CACNA1C: variants seen among roughly 807,000 people sequenced by gnomAD.
The protein encoded by CACNA1C is calcium voltage-gated channel subunit alpha1 C.
CACNA1C carries 30 observed loss-of-function variants against 229.0 expected under a neutral mutation model. The ratio of observed to expected loss-of-function variants is 0.13; its 90% CI spans 0.10 to 0.18. The LOEUF is 0.18. Among genes scored for constraint, CACNA1C ranks in the 10% least tolerant of loss-of-function variants. CACNA1C has a pLI of 1.00. For missense variants in CACNA1C, 1,658 were observed against 2,845.0 expected, an observed-to-expected ratio of 0.58 and a Z score of 9.49; for synonymous variants, 1,114 against 1,132.5, an observed-to-expected ratio of 0.98 and a Z score of 0.33.
rs2097302563 is a variant in CACNA1C at position 2,354,627 on chromosome 12, G to A, written c.478-94349G>A. On this transcript the variant is annotated intron_variant, in intron 3 of 46. Transcript: ENST00000399655. The surrounding 1 kb of genome is among the most constrained non-coding windows in gnomAD (Gnocchi z 4.6). ...CTGGTTGGGAGAGCCCAGGAACGGA[G>A]TCCATCCTTTCTCCTGGCCTCCAGG... Among the ~76,000 whole-genome samples, 1 of 152,166 alleles carries A rather than the reference G, an allele frequency of 6.6e-6. No homozygotes were observed. The highest frequency in any genetic ancestry group is 2.4e-5 in the African/African-American group (1 of 41,436).
rs112201667 is a variant in CACNA1C, at chr12:2,097,378, C to G, written c.50-17846C>G. On this transcript the variant is annotated intron_variant, in intron 1 of 46. Transcript: ENST00000399655. Reference sequence around the variant, plus strand: ...AGCCAGGATAGTCTCGATCTCCTGACCTTGTGATCCGCCCGCCTCGACCTC... The same window carrying G: ...AGCCAGGATAGTCTCGATCTCCTGAGCTTGTGATCCGCCCGCCTCGACCTC... 5.9e-3 allele frequency among the ~76,000 whole-genome samples: 898 copies of G among 152,126 alleles called. 8 individuals carry two copies. The highest frequency in any genetic ancestry group is 0.02 in the African/African-American group (845 of 41,516).
intron 37 of CACNA1C, 82 bp from the exon 38 acceptor site, chr12:2,668,850 AC>A: frequency 1.1e-6 from 1 of 897,798 alleles, no homozygotes; most frequent in Non-Finnish European, 1.9e-6. Context: ...ACAGAGCCAA[AC>A]CATATCACTC....
chr12:2,504,952 AGGAC>A lies in CACNA1C; in HGVS notation c.1217+8_1217+11del. 1 of 1,373,004 alleles carries A rather than the reference AGGAC, an allele frequency of 7.3e-7. No individual in the cohort carries two copies. Among genetic ancestry groups the A allele is most frequent in the Non-Finnish European group, 1.0e-6 (1 of 961,480 alleles). The allele number at this position is 1,373,004 out of a possible 1,614,324, so 85.1% of individuals were successfully genotyped here. Reference sequence around the variant, plus strand: ...TTCTCGGTGTGCTTAGCGGGTAAGCAGGACCAAGGAAAAAGGTCTTGATTTTTCC... The same window carrying A: ...TTCTCGGTGTGCTTAGCGGGTAAGCACAAGGAAAAAGGTCTTGATTTTTCC... On this transcript the variant is annotated splice_region_variant and intron_variant, in intron 8 of 46. Coordinates refer to ENST00000399655, the MANE Select transcript of CACNA1C (RefSeq NM_000719.7). The surrounding 1 kb of genome is among the most constrained non-coding windows in gnomAD (Gnocchi z 6.8).
intron 3 of CACNA1C, among the ~76,000 whole-genome samples, chr12:2,335,776 C>T (rs538526379): frequency 2.2e-4 from 33 of 152,204 alleles, no homozygotes; most frequent in African/African-American, 7.9e-4. Flanking sequence ...TCAGCAGAGG[C>T]CCAGAAGCCA....
chr12:2,174,147 C>T (rs1445907180), intron 3 of CACNA1C, among the ~76,000 whole-genome samples: 1 of 152,012 alleles, frequency 6.6e-6, no homozygotes, highest in East Asian at 1.9e-4. Context: ...TGTGGCTTTG[C>T]ATGGAAAAGG....
intron 1 of CACNA1C, among the ~76,000 whole-genome samples, chr12:1,977,421 C>T (rs1354144183): frequency 3.3e-5 from 5 of 152,182 alleles, no homozygotes; most frequent in Admixed American, 2.6e-4. Flanking sequence ...CTCCAAGCAG[C>T]GTATCTTCAA....
chr12:2,389,587 C>T (rs1594963258), intron 3 of CACNA1C, among the ~76,000 whole-genome samples: 1 of 152,194 alleles, frequency 6.6e-6, no homozygotes, highest in Non-Finnish European at 1.5e-5. Flanking sequence ...CTGTGTCTAA[C>T]CTGATAGGCA....
intron 3 of CACNA1C, among the ~76,000 whole-genome samples, chr12:2,424,131 C>T (rs2099005699): frequency 6.6e-6 from 1 of 152,264 alleles, no homozygotes; most frequent in Non-Finnish European, 1.5e-5. Flanking sequence ...ATGGCGTCTT[C>T]AGCGCCACAA....
intron 3 of CACNA1C, among the ~76,000 whole-genome samples, chr12:2,121,465 T>C (rs2086688607): frequency 6.6e-6 from 1 of 152,250 alleles, no homozygotes; most frequent in Non-Finnish European, 1.5e-5. Flanking sequence ...ACTTCTCAGC[T>C]GTCGCCCCAG....
At chr12:2,485,960 C>T (rs1208015846) in intron 5 of CACNA1C, 144 bp from the exon 6 acceptor site, 8 of 589,596 alleles carry the variant, frequency 1.4e-5, no homozygotes, top group Admixed American at 3.3e-5. Flanking sequence ...CAGTCCTTGG[C>T]GTGTGGCTCT....
At chr12:2,128,911 C>T (rs1439957489) in intron 3 of CACNA1C, among the ~76,000 whole-genome samples, 1 of 152,184 alleles carries the variant, frequency 6.6e-6, no homozygotes, top group Non-Finnish European at 1.5e-5. Flanking sequence ...AAATAATTCA[C>T]CCTGTGAGAT....
intron 3 of CACNA1C, among the ~76,000 whole-genome samples, chr12:2,353,454 G>A (rs373954988): frequency 3.3e-5 from 5 of 152,354 alleles, no homozygotes; most frequent in African/African-American, 7.2e-5. Flanking sequence ...GCGCTGCCGC[G>A]CTCAGCACCT....
chr12:1,999,676 T>C (rs1256449318), intron 1 of CACNA1C, among the ~76,000 whole-genome samples: 2 of 152,120 alleles, frequency 1.3e-5, no homozygotes, highest in African/African-American at 4.8e-5. Context: ...CAGTGAGCTA[T>C]GATTGTACCT....
At chr12:2,445,774 G>A (rs1247873454) in intron 3 of CACNA1C, among the ~76,000 whole-genome samples, 4 of 152,150 alleles carry the variant, frequency 2.6e-5, no homozygotes, top group African/African-American at 4.8e-5. Flanking sequence ...GTACCAGGCA[G>A]TCTGGACTAG....
At chr12:2,036,858 G>T (rs1234004059) in intron 1 of CACNA1C, among the ~76,000 whole-genome samples, 2 of 152,196 alleles carry the variant, frequency 1.3e-5, no homozygotes, top group African/African-American at 4.8e-5. Context: ...GAGGAAATGG[G>T]CTACAGAGTA....
At chr12:2,112,983 G>A (rs1299486252) in intron 1 of CACNA1C, among the ~76,000 whole-genome samples, 1 of 151,718 alleles carries the variant, frequency 6.6e-6, no homozygotes, top group African/African-American at 2.4e-5. Flanking sequence ...CGGTTGCAAG[G>A]GACAGAGACC....
chr12:2,317,524 T>G (rs1428122949), intron 3 of CACNA1C, among the ~76,000 whole-genome samples: 1 of 151,916 alleles, frequency 6.6e-6, no homozygotes, highest in Non-Finnish European at 1.5e-5. Context: ...ATTGAAGGAG[T>G]ACAGAGTTTC....
At chr12:2,438,457 G>A (rs150941188) in intron 3 of CACNA1C, among the ~76,000 whole-genome samples, 4 of 152,000 alleles carry the variant, frequency 2.6e-5, no homozygotes, top group Admixed American at 2.6e-4. Context: ...GGCAGATGGG[G>A]ATTGAGAAGT....
chr12:2,373,808 A>C (rs1325391352), intron 3 of CACNA1C, among the ~76,000 whole-genome samples: 1 of 152,182 alleles, frequency 6.6e-6, no homozygotes, highest in Non-Finnish European at 1.5e-5. Flanking sequence ...CACCCTTCTT[A>C]GGCTTGAAGG....
Sources: allele counts gnomAD v4.1 joint callset (sites outside exome capture counted in the v4.1 genomes callset), GRCh38; gene constraint gnomAD v4.1.1; non-coding constraint Gnocchi (gnomAD v3.1); transcripts MANE v1.5; gene names NCBI Gene and HGNC (gene_info 2026-07-23, HGNC 2026-07-21).